Variants in CAMTA1 observed in about 807,000 individuals in gnomAD.
CAMTA1 encodes calmodulin binding transcription activator 1, also known as calmodulin-binding transcription activator 1.
Under a neutral mutation model 170.9 loss-of-function variants are expected in CAMTA1, and 27 were observed. The observed-to-expected ratio is 0.16, with a 90% CI of 0.12 to 0.22. The LOEUF (loss-of-function observed/expected upper bound fraction) is 0.22, where lower values mean the gene tolerates loss of function less well. CAMTA1 is among the 10% of genes least tolerant of loss of function. The probability of loss-of-function intolerance (pLI) is 1.00; values close to 1 mark genes in which losing one functional copy is unlikely to be tolerated. For missense variants in CAMTA1, 1,619 were observed against 2,217.2 expected (o/e 0.73, Z 5.42); for synonymous variants, 833 against 891.5 (o/e 0.93, Z 1.17).
At chr1:6,898,579 G>A (rs1470543135) in intron 3 of CAMTA1, among the ~76,000 whole-genome samples, 1 of 152,162 alleles carries the variant, frequency 6.6e-6, no homozygotes, top group Non-Finnish European at 1.5e-5. Context: ...AACAAAAGGA[G>A]ATAGAAATTC....
chr1:7,088,886 G>A (rs1360011863), intron 3 of CAMTA1, among the ~76,000 whole-genome samples: 1 of 152,200 alleles, frequency 6.6e-6, no homozygotes, highest in Non-Finnish European at 1.5e-5. Flanking sequence ...GACTCCAGCC[G>A]CAGTGTGCTC....
intron 6 of CAMTA1, among the ~76,000 whole-genome samples, chr1:7,598,524 A>G (rs560482829): frequency 0.016 from 2,503 of 152,288 alleles, 76 homozygotes; most frequent in African/African-American, 0.057. Flanking sequence ...GACTTCTACA[A>G]TGGTTGAACT....
At chr1:6,859,507 A>G (rs1020675298) in intron 3 of CAMTA1, among the ~76,000 whole-genome samples, 1 of 152,248 alleles carries the variant, frequency 6.6e-6, no homozygotes, top group Admixed American at 6.5e-5. Context: ...ATGTTGTACC[A>G]GGCCAGGTGC....
chr1:6,979,833 C>T (rs548141673), intron 3 of CAMTA1, among the ~76,000 whole-genome samples: 1 of 150,852 alleles, frequency 6.6e-6, no homozygotes, highest in African/African-American at 2.5e-5. Flanking sequence ...GGACACTGTC[C>T]TCTCATGGTG....
intron 3 of CAMTA1, among the ~76,000 whole-genome samples, chr1:6,952,123 T>C (rs547525373): frequency 6.6e-6 from 1 of 152,246 alleles, no homozygotes; most frequent in South Asian, 2.1e-4. Context: ...GGTTCAGATG[T>C]TTCTGGCATC....
chr1:7,021,570 T>A (rs1701361649), intron 3 of CAMTA1, among the ~76,000 whole-genome samples: 1 of 152,194 alleles, frequency 6.6e-6, no homozygotes, highest in East Asian at 1.9e-4. Context: ...TCAAAACCAC[T>A]GGACAGTGAG....
intron 4 of CAMTA1, among the ~76,000 whole-genome samples, chr1:7,117,884 C>A (rs906932015): frequency 6.6e-6 from 1 of 152,192 alleles, no homozygotes; most frequent in Non-Finnish European, 1.5e-5. Flanking sequence ...CCTACCAGGC[C>A]TGCCCACTCA....
At chr1:6,958,488 C>A (rs934730821) in intron 3 of CAMTA1, among the ~76,000 whole-genome samples, 1 of 152,226 alleles carries the variant, frequency 6.6e-6, no homozygotes, top group African/African-American at 2.4e-5. Context: ...TCTCCCTGGA[C>A]CTGTCCACAC....
At chr1:7,669,808 G>GGAGAGCCTCCCTCTACTCA (rs1417636019) in intron 9 of CAMTA1, among the ~76,000 whole-genome samples, 1 of 152,198 alleles carries the variant, frequency 6.6e-6, no homozygotes, top group African/African-American at 2.4e-5. Flanking sequence ...TCATCCCCAG[G>GGAGAGCCTCCCTCTACTCA]GAGAGCCTCC....
intron 11 of CAMTA1, among the ~76,000 whole-genome samples, chr1:7,702,231 G>A (rs1296852918): frequency 1.3e-5 from 2 of 152,220 alleles, no homozygotes; most frequent in East Asian, 3.9e-4. Context: ...CCACCTGCTC[G>A]GCAGAGGTGG....
At chr1:7,019,883 C>T (rs899310521) in intron 3 of CAMTA1, among the ~76,000 whole-genome samples, 6 of 152,336 alleles carry the variant, frequency 3.9e-5, no homozygotes, top group African/African-American at 1.4e-4. Flanking sequence ...CAGTGTTTTG[C>T]GATGAAGTCT....
chr1:7,406,441 G>C (rs565357182), intron 5 of CAMTA1, among the ~76,000 whole-genome samples: 1 of 152,282 alleles, frequency 6.6e-6, no homozygotes, highest in East Asian at 1.9e-4. Context: ...TCGGGATAGG[G>C]AAGGGCCTGA....
rs1366088556 is a variant in CAMTA1, at chr1:7,609,945, G to C, written c.511-30455G>C. ...TATTTGTGAAATGAGAGGGTAAACTGTGGGGTCTCCAAGTCTCTTTACCTG... is the reference window on the plus strand; with the variant it reads ...TATTTGTGAAATGAGAGGGTAAACTCTGGGGTCTCCAAGTCTCTTTACCTG... On this transcript the variant is annotated intron_variant, in intron 6 of 22. Transcript: ENST00000303635. This position sits in a 1 kb window ranked among gnomAD's most constrained non-coding sequence, Gnocchi z 4.4. 1.3e-5 allele frequency among the ~76,000 whole-genome samples: 2 copies of C among 152,196 alleles called. No individual in the cohort carries two copies. Among genetic ancestry groups the C allele is most frequent in the East Asian group, 1.9e-4 (1 of 5,190 alleles).
At chr1:7,519,600 T>G (rs1320661391) in intron 6 of CAMTA1, among the ~76,000 whole-genome samples, 2 of 151,808 alleles carry the variant, frequency 1.3e-5, no homozygotes, top group Non-Finnish European at 2.9e-5. Context: ...CCACTCTCAT[T>G]GCCCGGGCCA....
intron 6 of CAMTA1, among the ~76,000 whole-genome samples, chr1:7,471,593 CG>C (rs1197511956): frequency 1.1e-4 from 16 of 152,226 alleles, no homozygotes; most frequent in Non-Finnish European, 2.9e-5. Context: ...TGAGACCCAG[CG>C]AGAGCAGGGC....
At chr1:7,164,697 T>G (rs1200198194) in intron 4 of CAMTA1, among the ~76,000 whole-genome samples, 1 of 152,260 alleles carries the variant, frequency 6.6e-6, no homozygotes, top group African/African-American at 2.4e-5. Flanking sequence ...AAAATTCAAA[T>G]TATTTGTTCC....
In CAMTA1 at chr1:7,065,296, C is replaced by A. The variant is rs987414835; in HGVS notation, c.235-26008C>A. On this transcript the variant is annotated intron_variant, in intron 3 of 22. Coordinates refer to ENST00000303635, the MANE Select transcript of CAMTA1 (RefSeq NM_015215.4). The surrounding 1 kb of genome is among the most constrained non-coding windows in gnomAD (Gnocchi z 5.2). The stretch of plus-strand genomic sequence containing the variant: ...GAACCAGTTGTTGCAGGAAGATGGA[C>A]AGCCCATGAGGTTTCCCAGAGGGCC... 5.9e-5 allele frequency among the ~76,000 whole-genome samples: 9 copies of A among 152,118 alleles called. No individual in the cohort carries two copies. Among genetic ancestry groups the A allele is most frequent in the African/African-American group, 1.9e-4 (8 of 41,400 alleles).
chr1:7,430,640 G>A (rs1371831686), intron 5 of CAMTA1, among the ~76,000 whole-genome samples: 1 of 152,134 alleles, frequency 6.6e-6, no homozygotes, highest in East Asian at 1.9e-4. Flanking sequence ...GAGGATCCAT[G>A]GCTTCAGGTC....
At chr1:6,897,699 T>C (rs568894718) in intron 3 of CAMTA1, among the ~76,000 whole-genome samples, 1 of 152,270 alleles carries the variant, frequency 6.6e-6, no homozygotes, top group South Asian at 2.1e-4. Context: ...ATTCAGTATA[T>C]GGTGGTGATT....
Sources: gnomAD v4.1 joint callset for allele counts (sites outside exome capture counted in the v4.1 genomes callset) on GRCh38, gnomAD v4.1.1 for gene constraint, Gnocchi (gnomAD v3.1) non-coding constraint, MANE v1.5 for transcripts, NCBI Gene and HGNC (gene_info 2026-07-23, HGNC 2026-07-21) for gene names.